AKAP6: variants seen among roughly 807,000 people sequenced by gnomAD.
The protein encoded by AKAP6 is A-kinase anchor protein 6.
A neutral mutation model predicts 188.5 loss-of-function variants in AKAP6; 58 were observed. The observed-to-expected ratio is 0.31, with a 90% CI of 0.25 to 0.38. The LOEUF (loss-of-function observed/expected upper bound fraction) is 0.38. Among genes scored for constraint, AKAP6 ranks in the 10% least tolerant of loss-of-function variants. AKAP6 has a pLI of 1.00. For synonymous variants in AKAP6, 989 were observed against 998.6 expected, an observed-to-expected ratio of 0.99 and a Z score of 0.18; for missense variants, 2,710 against 2,740.0, an observed-to-expected ratio of 0.99 and a Z score of 0.24.
At chr14:32,816,148 A>G (rs980640547) in intron 12 of AKAP6, among the ~76,000 whole-genome samples, 2 of 152,076 alleles carry the variant, frequency 1.3e-5, no homozygotes, top group Non-Finnish European at 2.9e-5. Context: ...TTATCTTTCC[A>G]TTTTCAGAGA....
chr14:32,721,543 C>T (rs1348304778), intron 9 of AKAP6, among the ~76,000 whole-genome samples: 3 of 152,146 alleles, frequency 2.0e-5, no homozygotes, highest in Non-Finnish European at 2.9e-5. Flanking sequence ...TTCAATGAAA[C>T]GCCTCTCTAA....
chr14:32,352,982 A>G (rs550845133), intron 1 of AKAP6, among the ~76,000 whole-genome samples: 7 of 152,348 alleles, frequency 4.6e-5, no homozygotes, highest in South Asian at 2.1e-4. Flanking sequence ...ACTGTTTTCC[A>G]TAACAGCTGT....
At chr14:32,687,951 T>C (rs1420126926) in intron 8 of AKAP6, among the ~76,000 whole-genome samples, 1 of 152,092 alleles carries the variant, frequency 6.6e-6, no homozygotes, top group Non-Finnish European at 1.5e-5. Flanking sequence ...ACCCCTTTAA[T>C]GTGAAATAAC....
At chr14:32,781,703 A>G (rs969303452) in intron 12 of AKAP6, among the ~76,000 whole-genome samples, 1 of 152,208 alleles carries the variant, frequency 6.6e-6, no homozygotes, top group Non-Finnish European at 1.5e-5. Flanking sequence ...TAGAAACTAC[A>G]TCATGATATT....
chr14:32,536,840 A>G (rs917863570), intron 3 of AKAP6, among the ~76,000 whole-genome samples: 1 of 152,190 alleles, frequency 6.6e-6, no homozygotes, highest in Non-Finnish European at 1.5e-5. Context: ...GTATACATAT[A>G]TGTACGGATA....
At chr14:32,626,301 A>G (rs979299788) in intron 7 of AKAP6, among the ~76,000 whole-genome samples, 2 of 152,034 alleles carry the variant, frequency 1.3e-5, no homozygotes, top group African/African-American at 4.8e-5. Context: ...GGTCTTTCAT[A>G]TGTACAGTGC....
chr14:32,795,292 A>C (rs1271758359), intron 12 of AKAP6, among the ~76,000 whole-genome samples: 1 of 152,242 alleles, frequency 6.6e-6, no homozygotes, highest in Admixed American at 6.5e-5. Flanking sequence ...CCGTGAGGTC[A>C]GCATCATCCT....
intron 9 of AKAP6, among the ~76,000 whole-genome samples, chr14:32,696,481 A>G (rs926720625): frequency 2.6e-5 from 4 of 152,240 alleles, no homozygotes; most frequent in African/African-American, 4.8e-5. Context: ...GGTGGATTCT[A>G]TCTACCCCTC....
chr14:32,535,665 G>T lies in AKAP6; in HGVS notation c.436G>T (p.Ala146Ser), dbSNP rs774949614. The change falls in exon 3 of 14, where the codon GCA (alanine) becomes TCA (serine). Residue 146 changes from alanine (A) to serine (S), a missense_variant. Physicochemically the swap from Ala to Ser is moderately conservative, Grantham distance 99. This residue lies in a region of AKAP6 where 237 missense variants were observed against 313.9 expected (regional missense o/e 0.76). Coordinates refer to ENST00000280979, the MANE Select transcript of AKAP6 (RefSeq NM_004274.5). ...TGTCAACGTGATAGTGGACATCCAC[G>T]CAGTGCAGCTCCTCTGGCACCAGCT... Reference protein sequence around the residue: ...YSVNVIVDIHAVQLLWHQLRV... With the variant: ...YSVNVIVDIHSVQLLWHQLRV... 16 of 1,614,206 alleles carry T rather than the reference G, an allele frequency of 9.9e-6. No individual in the cohort carries two copies. In the South Asian group the frequency reaches 1.6e-4, roughly 17 times the overall value.
chr14:32,654,560 T>C (rs967800054), intron 7 of AKAP6, among the ~76,000 whole-genome samples: 5 of 151,810 alleles, frequency 3.3e-5, no homozygotes, highest in Admixed American at 3.3e-4. Context: ...ATTAGAAATA[T>C]TATGGGCTGA....
intron 2 of AKAP6, among the ~76,000 whole-genome samples, chr14:32,497,368 G>A (rs1395669516): frequency 6.6e-6 from 1 of 151,986 alleles, no homozygotes; most frequent in African/African-American, 2.4e-5. Context: ...TGACTTTCTT[G>A]ACTCATGGAG....
chr14:32,711,960 T>C (rs1348818333), intron 9 of AKAP6, among the ~76,000 whole-genome samples: 4 of 151,906 alleles, frequency 2.6e-5, no homozygotes, highest in Non-Finnish European at 5.9e-5. Flanking sequence ...GTGAAAAAAA[T>C]CAAAGATTAC....
At chr14:32,660,328 C>G (rs1352967911) in intron 7 of AKAP6, among the ~76,000 whole-genome samples, 1 of 152,118 alleles carries the variant, frequency 6.6e-6, no homozygotes, top group East Asian at 1.9e-4. Context: ...AGCCTTTCCC[C>G]ATTGTGCCAC....
intron 12 of AKAP6, among the ~76,000 whole-genome samples, chr14:32,816,495 C>T (rs2034382511): frequency 6.6e-6 from 1 of 152,164 alleles, no homozygotes; most frequent in Admixed American, 6.5e-5. Context: ...TGTACCTGTC[C>T]TGCTTTTGTT....
At chr14:32,700,878 A>G (rs1448540993) in intron 9 of AKAP6, among the ~76,000 whole-genome samples, 5 of 152,162 alleles carry the variant, frequency 3.3e-5, no homozygotes, top group African/African-American at 1.2e-4. Context: ...CTCAGAACAT[A>G]CCCCGTTGTT....
intron 7 of AKAP6, among the ~76,000 whole-genome samples, chr14:32,676,205 G>A (rs1374041710): frequency 1.3e-5 from 2 of 152,028 alleles, no homozygotes; most frequent in African/African-American, 4.8e-5. Context: ...GCATTTGAGA[G>A]GAGTATTGTT....
intron 5 of AKAP6, among the ~76,000 whole-genome samples, chr14:32,578,069 C>G (rs1884808105): frequency 6.6e-6 from 1 of 152,056 alleles, no homozygotes; most frequent in African/African-American, 2.4e-5. Flanking sequence ...TCCTTGGGTA[C>G]TCAACTGTGG....
At chr14:32,343,392 A>C (rs897516289) in intron 1 of AKAP6, among the ~76,000 whole-genome samples, 2 of 151,592 alleles carry the variant, frequency 1.3e-5, no homozygotes, top group Admixed American at 6.6e-5. Context: ...GTTTTAGGAG[A>C]GTTTCTGTTC....
At chr14:32,733,714 T>C (rs969442670) in intron 10 of AKAP6, 1 of 152,186 alleles carries the variant, frequency 6.6e-6, no homozygotes, top group African/African-American at 2.4e-5. Context: ...TAACATATTG[T>C]TGCCTTTTAA....
Sources: allele counts gnomAD v4.1 joint callset (sites outside exome capture counted in the v4.1 genomes callset), GRCh38; gene constraint gnomAD v4.1.1; regional missense constraint gnomAD v4.1.1; transcripts MANE v1.5; gene names NCBI Gene and HGNC (gene_info 2026-07-23, HGNC 2026-07-21).